Variants in IKBKB-DT observed in about 807,000 individuals in gnomAD.
IKBKB-DT encodes the protein IKBKB divergent transcript.
At chr8:42,258,310 T>C (rs1287579109) in intron 3 of IKBKB-DT, among the ~76,000 whole-genome samples, 3 of 152,068 alleles carry the variant, frequency 2.0e-5, no homozygotes, top group Non-Finnish European at 2.9e-5. Flanking sequence ...TTCAGGGTTT[T>C]TTTTGTTTTA....
At chr8:42,249,248 G>C (rs1807099935) in intron 3 of IKBKB-DT, 1 of 151,988 alleles carries the variant, frequency 6.6e-6, no homozygotes, top group African/African-American at 2.4e-5. Flanking sequence ...ACGTGCCTGT[G>C]GTCCCAGTTT....
chr8:42,253,622 G>A (rs1350524156), intron 3 of IKBKB-DT, among the ~76,000 whole-genome samples: 2 of 152,204 alleles, frequency 1.3e-5, no homozygotes, highest in African/African-American at 4.8e-5. Context: ...AACAGAACTA[G>A]AATCTAGTCA....
intron 3 of IKBKB-DT, among the ~76,000 whole-genome samples, chr8:42,243,211 T>C (rs1034746950): frequency 2.0e-5 from 3 of 152,130 alleles, no homozygotes; most frequent in Admixed American, 6.5e-5. Flanking sequence ...GGAGAGAGTT[T>C]TGTAGTGGGA....
chr8:42,260,406 C>T (rs920705470), intron 3 of IKBKB-DT, among the ~76,000 whole-genome samples: 9 of 152,146 alleles, frequency 5.9e-5, no homozygotes, highest in African/African-American at 2.2e-4. Context: ...TGGCTCATGC[C>T]TATAATCCCA....
intron 3 of IKBKB-DT, among the ~76,000 whole-genome samples, chr8:42,239,632 A>ATATATATTTATT (rs1287944961): frequency 1.1e-5 from 1 of 86,970 alleles, no homozygotes; most frequent in Non-Finnish European, 2.3e-5. Context: ...ATATATATAT[A>ATATATATTTATT]TATTTATTTA....
intron 3 of IKBKB-DT, among the ~76,000 whole-genome samples, chr8:42,243,050 T>A (rs1193959830): frequency 6.6e-6 from 1 of 151,908 alleles, no homozygotes; most frequent in Non-Finnish European, 1.5e-5. Context: ...GCTCTCGGAG[T>A]AGAAAGTGGG....
chr8:42,250,933 C>T (rs956272521), intron 3 of IKBKB-DT, among the ~76,000 whole-genome samples: 7 of 152,052 alleles, frequency 4.6e-5, no homozygotes, highest in Non-Finnish European at 1.0e-4. Context: ...AAAATAGCTC[C>T]TAGAGAAACA....
chr8:42,250,240 C>T (rs1433611509), intron 3 of IKBKB-DT, among the ~76,000 whole-genome samples: 2 of 151,766 alleles, frequency 1.3e-5, no homozygotes, highest in Non-Finnish European at 2.9e-5. Flanking sequence ...AAATAGTCCT[C>T]CTGGGCACTG....
At chr8:42,263,505 A>G (rs1358993715) in intron 2 of IKBKB-DT, 1 of 152,240 alleles carries the variant, frequency 6.6e-6, no homozygotes, top group African/African-American at 2.4e-5. Flanking sequence ...GAAGAGAAAG[A>G]CAAAAGGAAG....
intron 1 of IKBKB-DT, among the ~76,000 whole-genome samples, chr8:42,268,619 T>C (rs1458398879): frequency 1.3e-5 from 2 of 151,082 alleles, no homozygotes; most frequent in East Asian, 4.0e-4. Context: ...CACGTTGTAG[T>C]GCACTGGTGC....
At chr8:42,271,202 T>C in exon 1 of IKBKB-DT, 2 of 611,738 alleles carry the variant, frequency 3.3e-6, no homozygotes, top group Non-Finnish European at 5.9e-6. Flanking sequence ...AGTCGCCCGG[T>C]CGAGGGTCCC....
intron 1 of IKBKB-DT, among the ~76,000 whole-genome samples, chr8:42,268,174 G>A (rs918608369): frequency 1.4e-5 from 2 of 138,602 alleles, no homozygotes; most frequent in South Asian, 2.2e-4. Context: ...TGCTCTTGTC[G>A]CCCAGGCTGG....
chr8:42,235,599 G>C (rs1476819388), intron 3 of IKBKB-DT, among the ~76,000 whole-genome samples: 1 of 152,126 alleles, frequency 6.6e-6, no homozygotes, highest in South Asian at 2.1e-4. Flanking sequence ...GGACAGCTTC[G>C]ATTTCCCGTG....
intron 3 of IKBKB-DT, among the ~76,000 whole-genome samples, chr8:42,262,172 A>G (rs1418948485): frequency 1.3e-5 from 2 of 152,118 alleles, no homozygotes; most frequent in Non-Finnish European, 2.9e-5. Flanking sequence ...TGGGAGATAT[A>G]TCTAATGCTA....
Position 42,261,473 on chromosome 8 carries a change from G to A in IKBKB-DT, n.1529+1856C>T, listed in dbSNP as rs144130762. Among the ~76,000 whole-genome samples the A allele has an allele frequency of 4.1e-3, 629 of 152,174 alleles. 6 individuals carry two copies. Among genetic ancestry groups the A allele is most frequent in the Middle Eastern group, 0.01 (3 of 294 alleles). On this transcript the variant is annotated intron_variant and non_coding_transcript_variant, in intron 3 of 3. Coordinates refer to ENST00000518213, the Ensembl canonical transcript of IKBKB-DT. ...CCTCTAGCAGCCACTCACTATGGGG[G>A]CTCTAGATTAACTGTCACCAAGTAG...
At chr8:42,256,336 T>C (rs1336691993) in intron 3 of IKBKB-DT, among the ~76,000 whole-genome samples, 2 of 149,166 alleles carry the variant, frequency 1.3e-5, no homozygotes, top group African/African-American at 5.0e-5. Flanking sequence ...CTGAGGCAGG[T>C]GGATAGCCTG....
intron 3 of IKBKB-DT, among the ~76,000 whole-genome samples, chr8:42,236,522 T>C (rs1200690981): frequency 6.6e-6 from 1 of 152,152 alleles, no homozygotes; most frequent in Non-Finnish European, 1.5e-5. Context: ...TCCTTGCACT[T>C]TGGAAGGCCG....
intron 3 of IKBKB-DT, among the ~76,000 whole-genome samples, chr8:42,255,103 G>A (rs1157338144): frequency 2.0e-5 from 3 of 150,428 alleles, no homozygotes; most frequent in African/African-American, 7.3e-5. Context: ...TCTGGGAAGT[G>A]AGGAGCACCT....
At chr8:42,263,157 G>A (rs1220632816) in intron 3 of IKBKB-DT, among the ~76,000 whole-genome samples, 3 of 151,692 alleles carry the variant, frequency 2.0e-5, no homozygotes, top group Non-Finnish European at 4.4e-5. Flanking sequence ...GATTACAGGT[G>A]TGAGTCACTA....
Sources: gnomAD v4.1 joint callset for allele counts (sites outside exome capture counted in the v4.1 genomes callset) on GRCh38, gnomAD v4.1.1 for gene constraint, MANE v1.5 for transcripts, NCBI Gene and HGNC (gene_info 2026-07-23, HGNC 2026-07-21) for gene names.